The following ERC2 variants were observed in gnomAD, a reference collection of about 807,000 sequenced individuals.
The protein encoded by ERC2 is ELKS/RAB6-interacting/CAST family member 2.
In ERC2, 42 loss-of-function variants were observed where a neutral mutation model predicts 114.8. The observed-to-expected ratio is 0.37, with a 90% CI of 0.29 to 0.47. The LOEUF (loss-of-function observed/expected upper bound fraction) is 0.47, where lower values mean the gene tolerates loss of function less well. Among genes scored for constraint, ERC2 ranks in the 20% least tolerant of loss-of-function variants. The pLI is 0.99. For missense variants in ERC2, 939 were observed against 1,150.7 expected (o/e 0.82, Z 2.66); for synonymous variants, 454 against 425.5 (o/e 1.07, Z -0.82).
chr3:55,508,468 T>C lies in ERC2; in HGVS notation c.*2848A>G, dbSNP rs1327315472. 6.5e-6 allele frequency: 1 copy of C among 152,678 alleles called. No homozygotes were observed. Among genetic ancestry groups the C allele is most frequent in the Admixed American group, 6.5e-5 (1 of 15,286 alleles). 9.5% of individuals were successfully genotyped at this position (152,678 alleles called of 1,614,324 possible). ...TGACTGGCTAATACATGCCCACTGG[T>C]AGTTTCCAGGGTTCCTTAGTTTTAT... On this transcript the variant is annotated 3_prime_UTR_variant, in exon 18 of 18. Coordinates refer to ENST00000288221, the MANE Select transcript of ERC2 (RefSeq NM_015576.3).
chr3:56,272,471 T>C (rs982108199), intron 3 of ERC2, among the ~76,000 whole-genome samples: 2 of 152,180 alleles, frequency 1.3e-5, no homozygotes, highest in Admixed American at 6.5e-5. Flanking sequence ...TAGAAAGAAA[T>C]GGAGATATGG....
intron 2 of ERC2, among the ~76,000 whole-genome samples, chr3:56,360,889 CAG>C (rs2150557903): frequency 6.6e-6 from 1 of 152,208 alleles, no homozygotes; most frequent in East Asian, 1.9e-4. Flanking sequence ...ACCTGGGTGA[CAG>C]AGTGAGACTC....
intron 17 of ERC2, among the ~76,000 whole-genome samples, chr3:55,619,678 T>C (rs2059253355): frequency 6.6e-6 from 1 of 152,194 alleles, no homozygotes; most frequent in Non-Finnish European, 1.5e-5. Context: ...TGTTGGAACA[T>C]GGTAGACATG....
At chr3:56,057,226 A>G (rs2076055025) in intron 7 of ERC2, among the ~76,000 whole-genome samples, 1 of 152,330 alleles carries the variant, frequency 6.6e-6, no homozygotes, top group South Asian at 2.1e-4. Context: ...TGTCCACTTC[A>G]GGGGCATTAA....
intron 14 of ERC2, among the ~76,000 whole-genome samples, chr3:55,752,984 T>C (rs2066812414): frequency 6.6e-6 from 1 of 152,158 alleles, no homozygotes; most frequent in Admixed American, 6.5e-5. Context: ...TTATTTCATT[T>C]GATTGTATAT....
At chr3:55,895,247 G>A (rs542230519) in intron 13 of ERC2, among the ~76,000 whole-genome samples, 9 of 152,150 alleles carry the variant, frequency 5.9e-5, no homozygotes, top group Non-Finnish European at 7.3e-5. Context: ...TGTTGATGCC[G>A]TGGTCACACT....
intron 2 of ERC2, among the ~76,000 whole-genome samples, chr3:56,300,412 T>C (rs1347035389): frequency 1.3e-5 from 2 of 151,710 alleles, no homozygotes; most frequent in Non-Finnish European, 2.9e-5. Flanking sequence ...TGGCTAGAAA[T>C]GCAGAGAGGA....
intron 3 of ERC2, among the ~76,000 whole-genome samples, chr3:56,241,289 A>G (rs2051304466): frequency 1.3e-5 from 2 of 152,224 alleles, no homozygotes; most frequent in African/African-American, 4.8e-5. Context: ...AACACATGAA[A>G]AAAATGCTCA....
At position 55,720,167 on chromosome 3, in the gene ERC2, T is replaced by C. The variant is rs1423526940; in HGVS notation, c.2712+14604A>G. On this transcript the variant is annotated intron_variant, in intron 15 of 17. Transcript: ENST00000288221. ...CCTCTTCTTCTTCTTCTTCTTCTTC[T>C]TCTTCTTCTTCTTCTTCTTCTTCTT... 4.1e-3 allele frequency among the ~76,000 whole-genome samples: 3 copies of C among 738 alleles called. 1 individual carries two copies. Among genetic ancestry groups the C allele is most frequent in the Non-Finnish European group, 8.9e-3 (3 of 336 alleles). 0.5% of individuals were successfully genotyped at this position (738 alleles called of 152,430 possible). A position where few individuals can be genotyped will look rare whatever the true frequency, so the allele number is the denominator to read the frequency against.
At chr3:56,338,383 G>C (rs1364450110) in intron 2 of ERC2, among the ~76,000 whole-genome samples, 2 of 152,214 alleles carry the variant, frequency 1.3e-5, no homozygotes, top group African/African-American at 4.8e-5. Flanking sequence ...TCAGAGAACT[G>C]TGGTCTATGC....
intron 14 of ERC2, among the ~76,000 whole-genome samples, chr3:55,878,196 A>T (rs955460258): frequency 5.9e-5 from 9 of 152,198 alleles, no homozygotes; most frequent in Admixed American, 3.9e-4. Context: ...AGGCTGAAAG[A>T]CTATACTTCT....
chr3:56,393,236 A>G (rs2060191420), intron 2 of ERC2, among the ~76,000 whole-genome samples: 1 of 152,144 alleles, frequency 6.6e-6, no homozygotes, highest in Non-Finnish European at 1.5e-5. Context: ...CATCTCTACT[A>G]AAAATACAAA....
At chr3:55,810,486 G>A (rs547837802) in intron 14 of ERC2, among the ~76,000 whole-genome samples, 2 of 137,856 alleles carry the variant, frequency 1.5e-5, no homozygotes, top group East Asian at 2.0e-4. Context: ...TGTTTGAGAC[G>A]GAGTTTTGGT....
chr3:55,954,141 GA>G (rs571121832), intron 12 of ERC2, among the ~76,000 whole-genome samples: 1,123 of 50,022 alleles, frequency 0.022, 12 homozygotes, highest in African/African-American at 0.068. Context: ...TTTTTCTCCA[GA>G]AAAAAAAAAA....
intron 17 of ERC2, among the ~76,000 whole-genome samples, chr3:55,594,494 T>C (rs1248564691): frequency 2.0e-5 from 3 of 151,956 alleles, no homozygotes; most frequent in South Asian, 2.1e-4. Context: ...ATTATTATTA[T>C]TATTTGAGAT....
At chr3:55,687,232 G>A (rs957662008) in intron 16 of ERC2, among the ~76,000 whole-genome samples, 14 of 152,118 alleles carry the variant, frequency 9.2e-5, no homozygotes, top group Non-Finnish European at 1.8e-4. Flanking sequence ...GTTGTGGGGG[G>A]GCATTTATTA....
chr3:56,029,180 T>C (rs2074231128), intron 7 of ERC2, among the ~76,000 whole-genome samples: 1 of 152,106 alleles, frequency 6.6e-6, no homozygotes, highest in East Asian at 1.9e-4. Flanking sequence ...TTTTTAAACA[T>C]TTTTTAATTT....
At chr3:55,700,456 A>G (rs1169931046) in intron 15 of ERC2, among the ~76,000 whole-genome samples, 2 of 152,224 alleles carry the variant, frequency 1.3e-5, no homozygotes, top group Admixed American at 1.3e-4. Flanking sequence ...CCTCAACTCT[A>G]AAATGAGAGG....
At chr3:56,191,757 C>T (rs1248195132) in intron 3 of ERC2, among the ~76,000 whole-genome samples, 1 of 152,050 alleles carries the variant, frequency 6.6e-6, no homozygotes, top group Non-Finnish European at 1.5e-5. Flanking sequence ...ACATACACTC[C>T]CCCACCCCAG....
Sources: allele counts gnomAD v4.1 joint callset (sites outside exome capture counted in the v4.1 genomes callset), GRCh38; gene constraint gnomAD v4.1.1; transcripts MANE v1.5; gene names NCBI Gene and HGNC (gene_info 2026-07-23, HGNC 2026-07-21).